The following CLASP1 variants were observed in gnomAD, a reference collection of about 807,000 sequenced individuals.
The protein encoded by CLASP1 is CLIP-associating protein 1.
In CLASP1, 38 loss-of-function variants were observed where a neutral mutation model predicts 192.3. The observed-to-expected ratio is 0.20, with a 90% CI of 0.15 to 0.26. CLASP1 has a LOEUF of 0.26. Among genes scored for constraint, CLASP1 ranks in the 10% least tolerant of loss-of-function variants. The pLI, the probability that CLASP1 is intolerant of heterozygous loss-of-function variation, is 1.00. For synonymous variants in CLASP1, 691 were observed against 712.8 expected, an observed-to-expected ratio of 0.97 and a Z score of 0.49; for missense variants, 1,433 against 1,932.5, an observed-to-expected ratio of 0.74 and a Z score of 4.85.
chr2:121,478,778 C>A (rs1575272680), intron 8 of CLASP1, among the ~76,000 whole-genome samples: 1 of 76,240 alleles, frequency 1.3e-5, no homozygotes, highest in Admixed American at 1.4e-4. Flanking sequence ...ACCCCACACA[C>A]ACACCCCACA....
intron 8 of CLASP1, among the ~76,000 whole-genome samples, chr2:121,499,172 C>T (rs1371297250): frequency 6.6e-6 from 1 of 152,156 alleles, no homozygotes; most frequent in Non-Finnish European, 1.5e-5. Flanking sequence ...GGAACAACCC[C>T]AAACGTCCAT....
intron 30 of CLASP1, among the ~76,000 whole-genome samples, chr2:121,395,396 TG>T (rs996299375): frequency 1.1e-4 from 17 of 152,360 alleles, no homozygotes; most frequent in African/African-American, 3.6e-4. Flanking sequence ...AATTTCCATA[TG>T]GGTATTTATC....
At chr2:121,626,497 A>G (rs2068391506) in intron 1 of CLASP1, among the ~76,000 whole-genome samples, 3 of 152,206 alleles carry the variant, frequency 2.0e-5, no homozygotes, top group East Asian at 1.9e-4. Flanking sequence ...TATAATGCCT[A>G]TTTTACAGAC....
At chr2:121,557,401 T>C (rs574013993) in intron 2 of CLASP1, among the ~76,000 whole-genome samples, 49 of 150,414 alleles carry the variant, frequency 3.3e-4, no homozygotes, top group Non-Finnish European at 6.4e-4. Flanking sequence ...CTGGCCAACA[T>C]GGTGAAACCC....
intron 7 of CLASP1, among the ~76,000 whole-genome samples, chr2:121,508,550 TA>T (rs909837419): frequency 6.6e-6 from 1 of 152,112 alleles, no homozygotes. Context: ...AATGGAAAGT[TA>T]AAAAAAGTCA....
chr2:121,609,987 G>C (rs2105949470), intron 1 of CLASP1, among the ~76,000 whole-genome samples: 1 of 151,342 alleles, frequency 6.6e-6, no homozygotes, highest in Middle Eastern at 3.4e-3. Flanking sequence ...AGTTTCCCAT[G>C]TATCTTTTCA....
intron 30 of CLASP1, chr2:121,388,208 G>C: frequency 4.4e-6 from 1 of 226,094 alleles, no homozygotes; most frequent in East Asian, 1.1e-4. Flanking sequence ...TGGTTAAGTA[G>C]GTAAATGAAA....
chr2:121,568,892 G>A (rs1307210169), intron 2 of CLASP1, among the ~76,000 whole-genome samples: 2 of 152,096 alleles, frequency 1.3e-5, no homozygotes, highest in African/African-American at 4.8e-5. Flanking sequence ...GGAGGTGGCA[G>A]GAATAGTTTG....
chr2:121,485,857 G>A (rs547593437), intron 8 of CLASP1, among the ~76,000 whole-genome samples: 7 of 152,270 alleles, frequency 4.6e-5, no homozygotes, highest in Non-Finnish European at 7.4e-5. Flanking sequence ...CAGGCTGCTC[G>A]TAATTCAGAG....
At chr2:121,478,770 CCCACACACACACCCCACACACA>C (rs2092089249) in intron 8 of CLASP1, among the ~76,000 whole-genome samples, 1 of 29,976 alleles carries the variant, frequency 3.3e-5, no homozygotes, top group Non-Finnish European at 6.8e-5. Flanking sequence ...CACCACACAC[CCCACACACACACCCCACACACA>C]CCACACACCA....
intron 8 of CLASP1, among the ~76,000 whole-genome samples, chr2:121,495,674 A>C (rs906546966): frequency 2.0e-5 from 3 of 152,232 alleles, no homozygotes; most frequent in African/African-American, 7.2e-5. Context: ...AAAAACGAAT[A>C]AAAAATTTAA....
chr2:121,421,436 C>G (rs981615646), intron 22 of CLASP1, among the ~76,000 whole-genome samples: 2 of 151,870 alleles, frequency 1.3e-5, no homozygotes, highest in African/African-American at 4.8e-5. Flanking sequence ...TTAGTAGGGA[C>G]GGGGTTTCAC....
At chr2:121,495,246 C>A (rs1228382359) in intron 8 of CLASP1, among the ~76,000 whole-genome samples, 1 of 151,764 alleles carries the variant, frequency 6.6e-6, no homozygotes, top group African/African-American at 2.4e-5. Flanking sequence ...TGGCATGAAC[C>A]CAGGAGGCAG....
Position 121,530,950 on chromosome 2 carries a change from A to G in CLASP1, c.196-625T>C, listed in dbSNP as rs183655165. 10 of 700,388 alleles carry G rather than the reference A, an allele frequency of 1.4e-5. No individual in the cohort carries two copies. The highest frequency in any genetic ancestry group is 3.5e-5 in the African/African-American group (2 of 57,290). The allele number at this position is 700,388 out of a possible 1,614,324, so 43.4% of individuals were successfully genotyped here. ...GTGAGGGCAGTACTGCTAACGCCTG[A>G]ACAACACACCCGCATCAACTAGAGC... On this transcript the variant is annotated intron_variant, in intron 2 of 39. Coordinates refer to ENST00000263710, the Ensembl canonical transcript of CLASP1.
At chr2:121,370,976 C>T (rs1341541408) in intron 34 of CLASP1, among the ~76,000 whole-genome samples, 1 of 152,210 alleles carries the variant, frequency 6.6e-6, no homozygotes, top group Non-Finnish European at 1.5e-5. Flanking sequence ...CCACAACTCA[C>T]ACAGGAACTG....
intron 37 of CLASP1, among the ~76,000 whole-genome samples, chr2:121,354,623 T>C (rs1204064907): frequency 6.6e-6 from 1 of 152,158 alleles, no homozygotes; most frequent in Non-Finnish European, 1.5e-5. Context: ...CCAAGTATCA[T>C]AACACACCAG....
chr2:121,365,374 T>C, intron 35 of CLASP1, 90 bp from the exon 37 acceptor site: 1 of 1,227,770 alleles, frequency 8.1e-7, no homozygotes, highest in Non-Finnish European at 1.2e-6. Flanking sequence ...CTTCCCTTCC[T>C]GCCTCCTCTC....
rs78803231 is a variant in CLASP1 at position 121,352,743 on chromosome 2, T to C, written c.4207-4025A>G. ...CATCTGGGCTCACTGCAACCTCTGC[T>C]TCTGGGTTCAAGCGATTCTCATGCC... On this transcript the variant is annotated intron_variant, in intron 37 of 39. Transcript: ENST00000263710. Among the ~76,000 whole-genome samples the C allele has an allele frequency of 6.3e-3, 958 of 152,308 alleles. 7 individuals are homozygous for C. The highest frequency in any genetic ancestry group is 0.011 in the Non-Finnish European group (752 of 68,024).
intron 2 of CLASP1, among the ~76,000 whole-genome samples, chr2:121,595,900 CTACATGGGCTTATA>C: frequency 6.6e-6 from 1 of 152,298 alleles, no homozygotes; most frequent in Non-Finnish European, 1.5e-5. Flanking sequence ...ATTAAAAGCA[CTACATGGGCTTATA>C]TACATGGGCT....
Sources: gnomAD v4.1 joint callset for allele counts (sites outside exome capture counted in the v4.1 genomes callset) on GRCh38, gnomAD v4.1.1 for gene constraint, MANE v1.5 for transcripts, NCBI Gene and HGNC (gene_info 2026-07-23, HGNC 2026-07-21) for gene names.